The following ASPSCR1 variants were observed in gnomAD, a reference collection of about 807,000 sequenced individuals.
ASPSCR1 encodes ASPSCR1 tether for SLC2A4, UBX domain containing.
In ASPSCR1, 55 loss-of-function variants were observed where a neutral mutation model predicts 68.9. The ratio of observed to expected loss-of-function variants is 0.80; its 90% CI spans 0.64 to 1.00. ASPSCR1 has a LOEUF of 1.00. Ranked by LOEUF, ASPSCR1 falls within the 50% of genes least tolerant of loss-of-function variation. The pLI, the probability that ASPSCR1 is intolerant of heterozygous loss-of-function variation, is 0.00. For missense variants in ASPSCR1, 765 were observed against 762.2 expected (o/e 1.00, Z -0.04); for synonymous variants, 352 against 332.6 (o/e 1.06, Z -0.63).
At chr17:81,992,168 G>A (rs920477757) in intron 4 of ASPSCR1, among the ~76,000 whole-genome samples, 5 of 152,244 alleles carry the variant, frequency 3.3e-5, no homozygotes, top group African/African-American at 1.2e-4. Flanking sequence ...TGGTGGCTTG[G>A]CCTGGCCTGG....
intron 5 of ASPSCR1, 113 bp downstream of exon 5, chr17:81,994,991 C>T (rs1356284304): frequency 8.5e-7 from 1 of 1,174,568 alleles, no homozygotes; most frequent in Non-Finnish European, 1.2e-6. Context: ...GACTCGGGCT[C>T]TTGAAAGCAC....
chr17:81,994,600 G>T (rs1358179337), intron 4 of ASPSCR1, among the ~76,000 whole-genome samples: 1 of 152,234 alleles, frequency 6.6e-6, no homozygotes, highest in Non-Finnish European at 1.5e-5. Context: ...ACAGGCCAGG[G>T]TCCTTGGGAG....
chr17:82,011,459 G>C (rs1264280277), intron 10 of ASPSCR1, 84 bp from the exon 11 acceptor site: 17 of 1,300,680 alleles, frequency 1.3e-5, no homozygotes, highest in Non-Finnish European at 3.2e-6. Context: ...GCCCAGGAGG[G>C]TGGGAGCAGT....
At chr17:81,994,127 C>T (rs565187173) in intron 4 of ASPSCR1, among the ~76,000 whole-genome samples, 7 of 152,368 alleles carry the variant, frequency 4.6e-5, no homozygotes, top group African/African-American at 9.6e-5. Context: ...GCCCGTCTCC[C>T]GGGCTGCCAT....
Position 82,009,487 on chromosome 17 carries a change from A to C in ASPSCR1, c.1090A>C (p.Lys364Gln). 6.3e-7 allele frequency: 1 copy of C among 1,576,800 alleles called. No individual in the cohort carries two copies. The highest frequency in any genetic ancestry group is 1.4e-5 in the African/African-American group (1 of 73,912). ...TGTTCCTTCCCCTCCTCACCACAGGAAGCGCCTGGAAGAAGCCCCCTTGGT... is the reference window on the plus strand; with the variant it reads ...TGTTCCTTCCCCTCCTCACCACAGGCAGCGCCTGGAAGAAGCCCCCTTGGT... ...RRLAQLKSERKRLEEAPLVTK... is the reference protein window; with the variant it reads ...RRLAQLKSERQRLEEAPLVTK... Residue 364 changes from lysine to glutamine, a missense_variant and splice_region_variant, in exon 9 of 16, where the codon AAG (lysine) becomes CAG (glutamine). Transcript: ENST00000306739.
rs769801455 is a variant in ASPSCR1, at chr17:82,016,463, G to A, written c.1354-13G>A. 1.7e-5 allele frequency: 27 copies of A among 1,546,780 alleles called. No individual in the cohort carries two copies. Among genetic ancestry groups the A allele is most frequent in the East Asian group, 7.3e-5 (3 of 40,932 alleles). On this transcript the variant is annotated splice_polypyrimidine_tract_variant and intron_variant, in intron 12 of 15. Transcript: ENST00000306739. The stretch of plus-strand genomic sequence containing the variant: ...CCCACACCCGGCCCCTGAGCCCCCC[G>A]CCCTCCCTGCAGGCGAACCTCTTCC...
In ASPSCR1 at chr17:81,989,292, A is replaced by G. The variant is rs192474592; in HGVS notation, c.374+3685A>G. On this transcript the variant is annotated intron_variant, in intron 4 of 15. Coordinates refer to ENST00000306739, the MANE Select transcript of ASPSCR1 (RefSeq NM_024083.4). ...GAGTTTGCTAACCATGGAGCAGGAT[A>G]TGGACGAGGTTTCATAGTGGGTGGC... Among the ~76,000 whole-genome samples the G allele has an allele frequency of 7.0e-4, 106 of 152,324 alleles. 2 individuals carry two copies. In the East Asian group the frequency reaches 0.017, roughly 24 times the overall value.
rs992200761 is a variant in ASPSCR1 at position 81,987,835 on chromosome 17, A to G, written c.374+2228A>G. 4.0e-5 allele frequency among the ~76,000 whole-genome samples: 6 copies of G among 151,788 alleles called. No homozygotes were observed. The South Asian group carries it at 1.3e-3, about 32-fold the overall frequency. On this transcript the variant is annotated intron_variant, in intron 4 of 15. Transcript: ENST00000306739. This position sits in a 1 kb window ranked among gnomAD's most constrained non-coding sequence, Gnocchi z 5.6. ...GCACTCTAGCCTGGGTGACAAGAGCAAAACTCCATCTCAAAAAAACAAAAA... is the reference window on the plus strand; with the variant it reads ...GCACTCTAGCCTGGGTGACAAGAGCGAAACTCCATCTCAAAAAAACAAAAA...
At chr17:82,015,199 T>C (rs755221600) in intron 12 of ASPSCR1, 1 of 1,598,264 alleles carries the variant, frequency 6.3e-7, no homozygotes, top group South Asian at 1.1e-5. Context: ...TCTGGGAGGC[T>C]TCTTTTTTGG....
At chr17:81,991,850 C>T (rs972909285) in intron 4 of ASPSCR1, among the ~76,000 whole-genome samples, 35 of 152,380 alleles carry the variant, frequency 2.3e-4, no homozygotes, top group African/African-American at 7.0e-4. Context: ...CCGGCTTTGT[C>T]ATACCCAGAC....
rs1298810365 is a variant in ASPSCR1 at position 82,015,469 on chromosome 17, G to T, written c.1354-1007G>T. 1.2e-5 allele frequency: 16 copies of T among 1,350,118 alleles called. No individual in the cohort carries two copies. In the Admixed American group the frequency reaches 3.9e-4, roughly 33 times the overall value. 83.6% of individuals were successfully genotyped at this position (1,350,118 alleles called of 1,614,324 possible). A position where few individuals can be genotyped will look rare whatever the true frequency, so the allele number is the denominator to read the frequency against. On this transcript the variant is annotated intron_variant, in intron 12 of 15. Coordinates refer to ENST00000306739, the MANE Select transcript of ASPSCR1 (RefSeq NM_024083.4). ...CTCCTGGTGTTCCCGAGTCCTGCCC[G>T]CCCCTTTCTGTGCGTCCCGTGGGGC...
In ASPSCR1 at chr17:81,999,626, CAAAAA is replaced by C. The variant is rs869273858; in HGVS notation, c.933+2794_933+2798del. On this transcript the variant is annotated intron_variant, in intron 7 of 15. Transcript: ENST00000306739. The surrounding 1 kb of genome is among the most constrained non-coding windows in gnomAD (Gnocchi z 4.4). Reference sequence around the variant, plus strand: ...CGGGTGACAGAGTGAAACTCCATCTCAAAAAAAAAAAAAAAAAAGAAAACAAGAAG... The same window carrying C: ...CGGGTGACAGAGTGAAACTCCATCTCAAAAAAAAAAAAAGAAAACAAGAAG... Among the ~76,000 whole-genome samples, 1 of 72,018 alleles carries C rather than the reference CAAAAA, an allele frequency of 1.4e-5. No homozygotes were observed. Among genetic ancestry groups the C allele is most frequent in the African/African-American group, 5.2e-5 (1 of 19,308 alleles). 47.2% of individuals were successfully genotyped at this position (72,018 alleles called of 152,430 possible).
At chr17:82,004,806 G>A (rs1165291332) in intron 7 of ASPSCR1, 1 of 152,338 alleles carries the variant, frequency 6.6e-6, no homozygotes, top group Non-Finnish European at 1.5e-5. Flanking sequence ...TGGGGCCTTT[G>A]GAAGCCGGGC....
intron 7 of ASPSCR1, among the ~76,000 whole-genome samples, chr17:82,000,564 A>G (rs1248896185): frequency 1.3e-5 from 2 of 152,244 alleles, no homozygotes; most frequent in African/African-American, 4.8e-5. Context: ...GGGAACTTCA[A>G]AGGTACACTT....
At chr17:81,992,718 G>T (rs1316825541) in intron 4 of ASPSCR1, among the ~76,000 whole-genome samples, 1 of 152,246 alleles carries the variant, frequency 6.6e-6, no homozygotes, top group Non-Finnish European at 1.5e-5. Flanking sequence ...GAGGCCTTGT[G>T]TTTTCCTGAG....
Position 81,983,777 on chromosome 17 carries a change from CTT to C in ASPSCR1, c.273+110_273+111del. On this transcript the variant is annotated intron_variant, in intron 3 of 15. Transcript: ENST00000306739. The surrounding 1 kb of genome is among the most constrained non-coding windows in gnomAD (Gnocchi z 4.4). ...GTGCTGGGGAAGGAGGGACATGAGT[CTT>C]AGCACCAGTTCTGCCTTCCCTGGGT... The C allele has an allele frequency of 1.1e-6, 1 of 913,984 alleles. No individual in the cohort carries two copies. The highest frequency in any genetic ancestry group is 2.7e-5 in the East Asian group (1 of 37,410). The allele number at this position is 913,984 out of a possible 1,614,324, so 56.6% of individuals were successfully genotyped here.
chr17:82,011,429 T>C (rs2042937568), intron 10 of ASPSCR1, 114 bp from the exon 11 acceptor site: 1 of 1,023,840 alleles, frequency 9.8e-7, no homozygotes, highest in Non-Finnish European at 1.4e-6. Flanking sequence ...CAGGGCTGAA[T>C]TCCCACCCCT....
Position 81,996,722 on chromosome 17 carries a change from C to G in ASPSCR1, c.809C>G (p.Pro270Arg). 6.2e-7 allele frequency: 1 copy of G among 1,613,546 alleles called. No homozygotes were observed. Among genetic ancestry groups the G allele is most frequent in the Non-Finnish European group, 8.5e-7 (1 of 1,179,996 alleles). The change falls in exon 7 of 16, where the codon CCG (proline) becomes CGG (arginine). Residue 270 changes from proline to arginine, a missense_variant. Transcript: ENST00000306739. The stretch of plus-strand genomic sequence containing the variant: ...CTGACATCATCTTCAGCTAAGTTGC[C>G]GAAGTCCCTCTCCAGCCCTGGAGGC... ...RPLTSSSAKL[P>R]KSLSSPGGPS...
At chr17:81,992,483 T>C (rs1029715867) in intron 4 of ASPSCR1, among the ~76,000 whole-genome samples, 4 of 152,202 alleles carry the variant, frequency 2.6e-5, no homozygotes, top group African/African-American at 9.6e-5. Flanking sequence ...AAGCTGGCGG[T>C]CAGTGCCGGG....
Sources: gnomAD v4.1 joint callset for allele counts (sites outside exome capture counted in the v4.1 genomes callset) on GRCh38, gnomAD v4.1.1 for gene constraint, Gnocchi (gnomAD v3.1) non-coding constraint, MANE v1.5 for transcripts, NCBI Gene and HGNC (gene_info 2026-07-23, HGNC 2026-07-21) for gene names.